Variants in INPP4A observed in about 807,000 individuals in gnomAD.
INPP4A encodes the protein inositol polyphosphate-4-phosphatase type I A.
Under a neutral mutation model 119.8 loss-of-function variants are expected in INPP4A, and 33 were observed. The observed-to-expected ratio is 0.28, with a 90% CI of 0.21 to 0.37. INPP4A has a LOEUF of 0.37. INPP4A is among the 10% of genes least tolerant of loss of function. The pLI is 1.00. For synonymous variants in INPP4A, 496 were observed against 500.7 expected, an observed-to-expected ratio of 0.99 and a Z score of 0.12; for missense variants, 956 against 1,289.9, an observed-to-expected ratio of 0.74 and a Z score of 3.97.
chr2:98,470,052 C>T (rs1031736232), intron 1 of INPP4A, among the ~76,000 whole-genome samples: 2 of 152,224 alleles, frequency 1.3e-5, no homozygotes, highest in African/African-American at 4.8e-5. Flanking sequence ...CACGTGACCT[C>T]CTGCCCCTGT....
intron 1 of INPP4A, among the ~76,000 whole-genome samples, chr2:98,492,479 A>G (rs1187596079): frequency 6.6e-6 from 1 of 152,052 alleles, no homozygotes; most frequent in Admixed American, 6.6e-5. Flanking sequence ...TTGATGTGCT[A>G]CCCCTGGGAG....
At chr2:98,499,068 G>T (rs1370108382) in intron 1 of INPP4A, among the ~76,000 whole-genome samples, 2 of 152,214 alleles carry the variant, frequency 1.3e-5, no homozygotes, top group Non-Finnish European at 2.9e-5. Flanking sequence ...TGAGGAACTA[G>T]GAAAGCAGTC....
chr2:98,516,444 C>G (rs1442156623), intron 1 of INPP4A, among the ~76,000 whole-genome samples: 3 of 152,114 alleles, frequency 2.0e-5, no homozygotes, highest in Non-Finnish European at 4.4e-5. Flanking sequence ...GCAGAGCAGG[C>G]TGGTGGAGTG....
rs374951094 is a variant in INPP4A, at chr2:98,565,749, C to G, written c.2262C>G (p.Pro754=). The change falls in exon 20 of 25, where the codon CCC becomes CCG. Residue 754 remains proline (P), a synonymous_variant. Transcript: ENST00000409851. The part of the protein sequence containing the change: ...ATSSASADML[P]VITGNRDGFN... ...CCAGCGCCTCCGCAGACATGCTGCC[C>G]GTCATCACAGGAAATCGGTAGAGTG... The G allele has an allele frequency of 3.1e-6, 5 of 1,611,852 alleles. No homozygotes were observed. The Admixed American group carries it at 6.7e-5, about 22-fold the overall frequency.
At chr2:98,475,908 T>C (rs971808492) in intron 1 of INPP4A, among the ~76,000 whole-genome samples, 1 of 152,256 alleles carries the variant, frequency 6.6e-6, no homozygotes, top group Non-Finnish European at 1.5e-5. Context: ...TAAATTTTTT[T>C]CCACAAATGC....
chr2:98,495,331 T>C (rs1681721202), intron 1 of INPP4A, among the ~76,000 whole-genome samples: 1 of 152,216 alleles, frequency 6.6e-6, no homozygotes, highest in Non-Finnish European at 1.5e-5. Context: ...TACCAGTACC[T>C]TACTGGTGCC....
At chr2:98,508,115 C>T (rs1406723263) in intron 1 of INPP4A, among the ~76,000 whole-genome samples, 1 of 152,170 alleles carries the variant, frequency 6.6e-6, no homozygotes, top group Non-Finnish European at 1.5e-5. Context: ...CACACCTCTC[C>T]TGAAAGGGAA....
intron 1 of INPP4A, among the ~76,000 whole-genome samples, chr2:98,501,209 C>T (rs937549983): frequency 2.6e-5 from 4 of 152,028 alleles, no homozygotes; most frequent in East Asian, 1.9e-4. Flanking sequence ...CCCAGCTGCT[C>T]GGGAGGCTGA....
chr2:98,555,591 C>T lies in INPP4A; in HGVS notation c.1605C>T (p.Cys535=). 6.2e-7 allele frequency: 1 copy of T among 1,613,398 alleles called. No homozygotes were observed. The highest frequency in any genetic ancestry group is 8.5e-7 in the Non-Finnish European group (1 of 1,179,472). ...TGAACGTGGACAAGAGCCTAGAGTG[C>T]ATCATTCAGCGTGTGGACAAGCTGC... ...VWLNVDKSLE[C]IIQRVDKLLQ... The change falls in exon 16 of 25, where the codon TGC becomes TGT. Residue 535 remains cysteine, a synonymous_variant. Transcript: ENST00000409851.
At chr2:98,489,685 C>G (rs1441636683) in intron 1 of INPP4A, among the ~76,000 whole-genome samples, 1 of 152,202 alleles carries the variant, frequency 6.6e-6, no homozygotes, top group Non-Finnish European at 1.5e-5. Flanking sequence ...TCCTCTTTGG[C>G]ATAGCAAACT....
At chr2:98,581,914 T>A in intron 24 of INPP4A, 1 of 1,187,100 alleles carries the variant, frequency 8.4e-7, no homozygotes, top group Non-Finnish European at 1.1e-6. Flanking sequence ...TTCTGAACTG[T>A]AAATATCTGC....
At chr2:98,584,805 T>C (rs1385470239) in intron 24 of INPP4A, among the ~76,000 whole-genome samples, 3 of 152,258 alleles carry the variant, frequency 2.0e-5, no homozygotes, top group Admixed American at 6.5e-5. Context: ...GAAACTCAGT[T>C]GCTCTCCCTT....
At chr2:98,487,698 C>T (rs1465389563) in intron 1 of INPP4A, among the ~76,000 whole-genome samples, 1 of 152,152 alleles carries the variant, frequency 6.6e-6, no homozygotes, top group East Asian at 1.9e-4. Context: ...ACTGGATGGT[C>T]TTCCATATGT....
At chr2:98,579,545 A>G (rs1477300643) in intron 24 of INPP4A, among the ~76,000 whole-genome samples, 2 of 152,270 alleles carry the variant, frequency 1.3e-5, no homozygotes, top group African/African-American at 2.4e-5. Flanking sequence ...TGGTCCCCAC[A>G]GTAGCCACTC....
chr2:98,520,565 A>G, intron 3 of INPP4A, 122 bp from the exon 4 acceptor site: 1 of 686,420 alleles, frequency 1.5e-6, no homozygotes, highest in Non-Finnish European at 2.5e-6. Flanking sequence ...AAATAAAGAA[A>G]TTGTCTTGCA....
chr2:98,589,735 C>T lies in INPP4A; in HGVS notation c.*2127C>T. On this transcript the variant is annotated 3_prime_UTR_variant, in exon 25 of 25. Coordinates refer to ENST00000409851, the MANE Select transcript of INPP4A (RefSeq NM_001134225.2). ...GTGTGTGGCACAGAGGCAAGCAGCT[C>T]CTCTCTTCTGTAGGAGCTTTGGGTT... The T allele has an allele frequency of 5.5e-6, 1 of 182,152 alleles. No homozygotes were observed. Among genetic ancestry groups the T allele is most frequent in the Non-Finnish European group, 1.2e-5 (1 of 85,458 alleles). The allele number at this position is 182,152 out of a possible 1,614,324, so 11.3% of individuals were successfully genotyped here.
At chr2:98,549,584 ACAGAGGCTCTG>A (rs1693124800) in intron 13 of INPP4A, among the ~76,000 whole-genome samples, 1 of 152,142 alleles carries the variant, frequency 6.6e-6, no homozygotes, top group Non-Finnish European at 1.5e-5. Flanking sequence ...CAGGCTCATA[ACAGAGGCTCTG>A]CAGTGGTGCT....
At chr2:98,552,726 A>T in intron 13 of INPP4A, 60 bp from the exon 14 acceptor site, 2 of 1,351,894 alleles carry the variant, frequency 1.5e-6, no homozygotes, top group Non-Finnish European at 2.1e-6. Context: ...GGTTGGAATG[A>T]TGCTGTCATC....
At position 98,520,165 on chromosome 2, in the gene INPP4A, C is replaced by T; in HGVS notation, c.106+11C>T. 6.5e-7 allele frequency: 1 copy of T among 1,549,638 alleles called. No homozygotes were observed. Among genetic ancestry groups the T allele is most frequent in the East Asian group, 2.4e-5 (1 of 41,068 alleles). On this transcript the variant is annotated intron_variant, in intron 3 of 24. Transcript: ENST00000409851. ...GCCTCTCTCTGGCAGGTGAGCCTCA[C>T]AGGGCCTGCACCGGGCTCCAGGTAT...
Sources: allele counts gnomAD v4.1 joint callset (sites outside exome capture counted in the v4.1 genomes callset), GRCh38; gene constraint gnomAD v4.1.1; transcripts MANE v1.5; gene names NCBI Gene and HGNC (gene_info 2026-07-23, HGNC 2026-07-21).